PXDNL: variants seen among roughly 807,000 people sequenced by gnomAD.
PXDNL encodes the protein peroxidasin like.
Under a neutral mutation model 150.8 loss-of-function variants are expected in PXDNL, and 145 were observed. The ratio of observed to expected loss-of-function variants is 0.96; its 90% CI spans 0.84 to 1.10. The LOEUF (loss-of-function observed/expected upper bound fraction) is 1.10. Ranked by LOEUF, PXDNL falls within the 50% of genes least tolerant of loss-of-function variation. The pLI, the probability that PXDNL is intolerant of heterozygous loss-of-function variation, is 0.00. For missense variants in PXDNL, 2,087 were observed against 1,873.9 expected (o/e 1.11, Z -2.10); for synonymous variants, 757 against 725.7 (o/e 1.04, Z -0.69).
At chr8:51,720,341 C>G (rs1427553993) in intron 1 of PXDNL, among the ~76,000 whole-genome samples, 1 of 151,886 alleles carries the variant, frequency 6.6e-6, no homozygotes, top group Non-Finnish European at 1.5e-5. Context: ...TTTTATTACA[C>G]TTTGAATATG....
rs1453645611 is a variant in PXDNL at position 51,409,188 on chromosome 8, G to T, written c.2436C>A (p.His812Gln). 6.3e-7 allele frequency: 1 copy of T among 1,593,310 alleles called. No homozygotes were observed. The highest frequency in any genetic ancestry group is 8.5e-7 in the Non-Finnish European group (1 of 1,174,502). The change falls in exon 17 of 23, where the codon CAC (histidine) becomes CAA (glutamine). Residue 812 changes from histidine (H) to glutamine (Q), a missense_variant. Coordinates refer to ENST00000356297, the MANE Select transcript of PXDNL (RefSeq NM_144651.5). ...MLMHWGWFLE[H>Q]DLDHTVPALS... ...GCGCAGGCACTGTGTGGTCCAAGTC[G>T]TGCTCTAGAAACCAGCCCCAGTGCA...
chr8:51,327,387 T>A (rs1367928442), intron 21 of PXDNL, among the ~76,000 whole-genome samples: 3 of 152,222 alleles, frequency 2.0e-5, no homozygotes, highest in Non-Finnish European at 4.4e-5. Flanking sequence ...CATGTAAGTG[T>A]CTTTTCACTG....
chr8:51,332,752 CA>C (rs1322322614), intron 21 of PXDNL, among the ~76,000 whole-genome samples: 1 of 152,092 alleles, frequency 6.6e-6, no homozygotes, highest in Non-Finnish European at 1.5e-5. Flanking sequence ...GCCTCGAAGA[CA>C]AGGTCTTTGA....
At chr8:51,399,401 C>T (rs189064201) in intron 17 of PXDNL, among the ~76,000 whole-genome samples, 9 of 152,134 alleles carry the variant, frequency 5.9e-5, no homozygotes, top group Admixed American at 4.6e-4. Flanking sequence ...TCACAATGAA[C>T]AAAATATATG....
At chr8:51,515,051 C>T (rs1220748676) in intron 4 of PXDNL, among the ~76,000 whole-genome samples, 1 of 152,150 alleles carries the variant, frequency 6.6e-6, no homozygotes, top group Non-Finnish European at 1.5e-5. Flanking sequence ...CAAACAGCAG[C>T]GTGAAGCCAG....
At chr8:51,599,710 T>C (rs1488997861) in intron 2 of PXDNL, among the ~76,000 whole-genome samples, 1 of 124,162 alleles carries the variant, frequency 8.1e-6, no homozygotes, top group Admixed American at 8.2e-5. Flanking sequence ...CTTATATAAA[T>C]GATGTCATTT....
At chr8:51,429,280 T>C (rs1270268548) in intron 12 of PXDNL, among the ~76,000 whole-genome samples, 1 of 152,186 alleles carries the variant, frequency 6.6e-6, no homozygotes, top group African/African-American at 2.4e-5. Context: ...GGAAACTTCT[T>C]TAAAAATTTA....
chr8:51,734,240 T>C (rs891753860), intron 1 of PXDNL, among the ~76,000 whole-genome samples: 1 of 152,082 alleles, frequency 6.6e-6, no homozygotes, highest in Non-Finnish European at 1.5e-5. Context: ...TAGGGAAGAG[T>C]AGAGATTAAC....
intron 2 of PXDNL, among the ~76,000 whole-genome samples, chr8:51,619,570 G>A (rs558927655): frequency 1.3e-5 from 2 of 152,252 alleles, no homozygotes; most frequent in South Asian, 4.2e-4. Context: ...ATGATACTGA[G>A]TGAGAGCTCA....
At position 51,711,148 on chromosome 8, in the gene PXDNL, A is replaced by G. The variant is rs185337813; in HGVS notation, c.165-56388T>C. Among the ~76,000 whole-genome samples, 14 of 150,086 alleles carry G rather than the reference A, an allele frequency of 9.3e-5. No homozygotes were observed. The East Asian group carries it at 2.5e-3, about 27-fold the overall frequency. Reference sequence around the variant, plus strand: ...TTAAAACTTTGAAATTATCTTTTTTATTTTATTTTTGAGATAGAGTCTTGC... The same window carrying G: ...TTAAAACTTTGAAATTATCTTTTTTGTTTTATTTTTGAGATAGAGTCTTGC... On this transcript the variant is annotated intron_variant, in intron 1 of 22. Coordinates refer to ENST00000356297, the MANE Select transcript of PXDNL (RefSeq NM_144651.5).
At chr8:51,474,377 T>C (rs1490832030) in intron 7 of PXDNL, among the ~76,000 whole-genome samples, 2 of 152,206 alleles carry the variant, frequency 1.3e-5, no homozygotes, top group African/African-American at 2.4e-5. Context: ...GCAGCCGTAA[T>C]AAATTATTTA....
At position 51,368,526 on chromosome 8, in the gene PXDNL, GA is replaced by G. The variant is rs961573343; in HGVS notation, c.3901+3346del. Among the ~76,000 whole-genome samples, 920 of 145,994 alleles carry G rather than the reference GA, an allele frequency of 6.3e-3. 11 individuals are homozygous for G. The highest frequency in any genetic ancestry group is 0.022 in the African/African-American group (871 of 39,866). Reference sequence around the variant, plus strand: ...CTATTATTCGTGGGAAACAAAAAATGAAAAAAAAAATAGCCCTGTTGAAAAT... The same window carrying G: ...CTATTATTCGTGGGAAACAAAAAATGAAAAAAAAATAGCCCTGTTGAAAAT... On this transcript the variant is annotated intron_variant, in intron 19 of 22. Coordinates refer to ENST00000356297, the MANE Select transcript of PXDNL (RefSeq NM_144651.5).
intron 11 of PXDNL, among the ~76,000 whole-genome samples, chr8:51,448,100 T>C (rs1809719830): frequency 6.6e-6 from 1 of 152,196 alleles, no homozygotes; most frequent in South Asian, 2.1e-4. Flanking sequence ...TTCATAAATG[T>C]AGATTTTGAA....
chr8:51,448,357 T>C (rs1809726262), intron 11 of PXDNL, among the ~76,000 whole-genome samples: 1 of 152,180 alleles, frequency 6.6e-6, no homozygotes, highest in African/African-American at 2.4e-5. Context: ...TCACTTGTGA[T>C]TTCATTTTGT....
chr8:51,521,041 C>T (rs989550843), intron 4 of PXDNL, among the ~76,000 whole-genome samples: 3 of 151,902 alleles, frequency 2.0e-5, no homozygotes, highest in African/African-American at 7.3e-5. Context: ...GACACCAGCC[C>T]GGGCAACAGA....
chr8:51,418,345 A>C (rs1808856606), intron 14 of PXDNL, among the ~76,000 whole-genome samples: 1 of 152,184 alleles, frequency 6.6e-6, no homozygotes, highest in African/African-American at 2.4e-5. Flanking sequence ...ATTCAGAGTA[A>C]ATTTTAAAAT....
At chr8:51,804,196 G>A (rs1222379604) in intron 1 of PXDNL, among the ~76,000 whole-genome samples, 2 of 152,194 alleles carry the variant, frequency 1.3e-5, no homozygotes, top group African/African-American at 2.4e-5. Flanking sequence ...TTGAAGTGGG[G>A]AGGGGGCTTC....
chr8:51,782,154 G>A (rs903239382), intron 1 of PXDNL, among the ~76,000 whole-genome samples: 6 of 152,112 alleles, frequency 3.9e-5, no homozygotes, highest in East Asian at 3.9e-4. Context: ...CACAGCCTCC[G>A]GGGGCTGGAC....
chr8:51,759,217 C>A (rs1006745679), intron 1 of PXDNL, among the ~76,000 whole-genome samples: 1 of 152,164 alleles, frequency 6.6e-6, no homozygotes, highest in African/African-American at 2.4e-5. Context: ...CTCTAGCCAA[C>A]CTCACTGCCC....
Sources: allele counts gnomAD v4.1 joint callset (sites outside exome capture counted in the v4.1 genomes callset), GRCh38; gene constraint gnomAD v4.1.1; transcripts MANE v1.5; gene names NCBI Gene and HGNC (gene_info 2026-07-23, HGNC 2026-07-21).